The following CACNA2D3 variants were observed in gnomAD, a reference collection of about 807,000 sequenced individuals.
CACNA2D3 encodes the protein voltage-dependent calcium channel subunit alpha-2/delta-3.
CACNA2D3 carries 60 observed loss-of-function variants against 160.6 expected under a neutral mutation model. The observed-to-expected ratio is 0.37, with a 90% CI of 0.30 to 0.46. The LOEUF (loss-of-function observed/expected upper bound fraction) is 0.46, where lower values mean the gene tolerates loss of function less well. Ranked by LOEUF, CACNA2D3 falls within the 20% of genes least tolerant of loss-of-function variation. The pLI, the probability that CACNA2D3 is intolerant of heterozygous loss-of-function variation, is 1.00. For synonymous variants in CACNA2D3, 558 were observed against 492.9 expected (o/e 1.13, Z -1.75); for missense variants, 1,205 against 1,365.0 (o/e 0.88, Z 1.85).
At chr3:54,539,788 A>G (rs1701943090) in intron 5 of CACNA2D3, among the ~76,000 whole-genome samples, 1 of 152,222 alleles carries the variant, frequency 6.6e-6, no homozygotes, top group African/African-American at 2.4e-5. Context: ...TTCTGAAGAA[A>G]GAAATGTGTT....
chr3:54,269,888 C>T (rs1702587388), intron 2 of CACNA2D3, among the ~76,000 whole-genome samples: 3 of 152,200 alleles, frequency 2.0e-5, no homozygotes, highest in Non-Finnish European at 4.4e-5. Flanking sequence ...AAGTGTCTGA[C>T]ACTTGAGAAA....
intron 10 of CACNA2D3, 111 bp downstream of exon 10, chr3:54,627,987 C>G (rs1699159184): frequency 1.4e-6 from 1 of 728,892 alleles, no homozygotes; most frequent in Admixed American, 2.1e-5. Context: ...AATCCCAGCC[C>G]TTTGGGAGGC....
intron 3 of CACNA2D3, among the ~76,000 whole-genome samples, chr3:54,321,002 A>G (rs147371936): frequency 2.0e-5 from 3 of 152,216 alleles, no homozygotes; most frequent in East Asian, 3.9e-4. Context: ...CTGTTCCTAT[A>G]TATTTGGATG....
intron 11 of CACNA2D3, among the ~76,000 whole-genome samples, chr3:54,736,518 T>C (rs570534564): frequency 5.3e-4 from 80 of 152,312 alleles, no homozygotes; most frequent in African/African-American, 1.8e-3. Flanking sequence ...AGAAAACTTA[T>C]GCCAATTTAC....
chr3:54,884,478 T>C (rs1699879323), intron 21 of CACNA2D3, among the ~76,000 whole-genome samples: 1 of 152,236 alleles, frequency 6.6e-6, no homozygotes, highest in African/African-American at 2.4e-5. Flanking sequence ...TGCAGTAAGA[T>C]ACTATCAGTC....
At chr3:54,817,898 G>T (rs189956866) in intron 14 of CACNA2D3, among the ~76,000 whole-genome samples, 1 of 152,142 alleles carries the variant, frequency 6.6e-6, no homozygotes, top group South Asian at 2.1e-4. Context: ...ACAAAAGGAC[G>T]GAATACTTCA....
intron 4 of CACNA2D3, among the ~76,000 whole-genome samples, chr3:54,455,521 G>A (rs1356721819): frequency 1.3e-5 from 2 of 151,962 alleles, no homozygotes; most frequent in Non-Finnish European, 2.9e-5. Context: ...CATTTTGGAG[G>A]TTGTCTTTTC....
intron 13 of CACNA2D3, among the ~76,000 whole-genome samples, chr3:54,778,909 C>T (rs1702477120): frequency 6.6e-6 from 1 of 152,216 alleles, no homozygotes; most frequent in Non-Finnish European, 1.5e-5. Flanking sequence ...GGGCTTCTCT[C>T]TCAGGTACCC....
chr3:54,704,093 G>T (rs1168371245), intron 11 of CACNA2D3, among the ~76,000 whole-genome samples: 3 of 152,200 alleles, frequency 2.0e-5, no homozygotes, highest in African/African-American at 7.2e-5. Context: ...ATGCTGAAGG[G>T]GGAGACTTGG....
chr3:54,628,243 GA>G (rs968934865), intron 10 of CACNA2D3, among the ~76,000 whole-genome samples: 40 of 151,770 alleles, frequency 2.6e-4, no homozygotes, highest in African/African-American at 8.9e-4. Context: ...AATAGAAAAA[GA>G]AAAAAATTGT....
chr3:54,482,012 A>AT (rs1700940869), intron 4 of CACNA2D3, among the ~76,000 whole-genome samples: 1 of 152,210 alleles, frequency 6.6e-6, no homozygotes, highest in African/African-American at 2.4e-5. Context: ...TTTCCCTCTT[A>AT]AAGGTAACAC....
intron 2 of CACNA2D3, among the ~76,000 whole-genome samples, chr3:54,272,217 C>T (rs370364368): frequency 6.6e-6 from 1 of 152,152 alleles, no homozygotes; most frequent in Non-Finnish European, 1.5e-5. Context: ...TCACTGCCAC[C>T]GTTGTTGATT....
At chr3:54,448,591 C>T (rs533836163) in intron 4 of CACNA2D3, among the ~76,000 whole-genome samples, 1 of 152,268 alleles carries the variant, frequency 6.6e-6, no homozygotes, top group African/African-American at 2.4e-5. Context: ...GTGTCCCTTA[C>T]AAAAAAGTGT....
At chr3:54,527,095 G>A (rs1701735371) in intron 5 of CACNA2D3, among the ~76,000 whole-genome samples, 1 of 152,202 alleles carries the variant, frequency 6.6e-6, no homozygotes, top group South Asian at 2.1e-4. Flanking sequence ...CTCTTCTGAA[G>A]GGATATTTCC....
intron 2 of CACNA2D3, among the ~76,000 whole-genome samples, chr3:54,295,272 G>T (rs908035452): frequency 6.6e-6 from 1 of 152,164 alleles, no homozygotes; most frequent in South Asian, 2.1e-4. Flanking sequence ...TAGGAGATGA[G>T]GGAGTGTGGA....
intron 31 of CACNA2D3, among the ~76,000 whole-genome samples, chr3:54,997,876 TGAGGCCTCATCA>T (rs1702893959): frequency 6.6e-6 from 1 of 152,200 alleles, no homozygotes; most frequent in Non-Finnish European, 1.5e-5. Flanking sequence ...GATTCTTCGA[TGAGGCCTCATCA>T]GAGGCCCATG....
chr3:54,945,039 G>A (rs1339191544), intron 27 of CACNA2D3, among the ~76,000 whole-genome samples: 1 of 152,138 alleles, frequency 6.6e-6, no homozygotes, highest in Admixed American at 6.5e-5. Context: ...TGGAGAATGG[G>A]GAAGATGACA....
intron 35 of CACNA2D3, among the ~76,000 whole-genome samples, chr3:55,021,679 GTATATATATA>G (rs3836389): frequency 5.6e-5 from 8 of 141,912 alleles, no homozygotes; most frequent in African/African-American, 2.2e-4. Context: ...ATATATATGT[GTATATATATA>G]TATGTGTGTA....
intron 35 of CACNA2D3, among the ~76,000 whole-genome samples, chr3:55,050,058 A>G (rs373917358): frequency 8.2e-4 from 124 of 151,528 alleles, no homozygotes; most frequent in East Asian, 2.1e-3. Flanking sequence ...TCTTTATCCA[A>G]TTTGCCAGTC....
Sources: gnomAD v4.1 joint callset for allele counts (sites outside exome capture counted in the v4.1 genomes callset) on GRCh38, gnomAD v4.1.1 for gene constraint, MANE v1.5 for transcripts, NCBI Gene and HGNC (gene_info 2026-07-23, HGNC 2026-07-21) for gene names.